Variants in BANK1 observed in about 807,000 individuals in gnomAD.
BANK1 encodes B cell scaffold protein with ankyrin repeats 1, also known as B-cell scaffold protein with ankyrin repeats.
A neutral mutation model predicts 94.5 loss-of-function variants in BANK1; 95 were observed. That is an observed-to-expected ratio of 1.00 (90% confidence interval 0.85 to 1.19). The LOEUF (loss-of-function observed/expected upper bound fraction) is 1.19, where lower values mean the gene tolerates loss of function less well. Ranked by LOEUF, BANK1 falls within the 50% of genes most tolerant of loss-of-function variation. The pLI, the probability that BANK1 is intolerant of heterozygous loss-of-function variation, is 0.00. For missense variants in BANK1, 987 were observed against 932.2 expected (o/e 1.06, Z -0.77); for synonymous variants, 334 against 308.4 (o/e 1.08, Z -0.87).
intron 1 of BANK1, among the ~76,000 whole-genome samples, chr4:101,797,334 G>A (rs2148848791): frequency 6.6e-6 from 1 of 152,250 alleles, no homozygotes. Flanking sequence ...AATCTGAAAA[G>A]TAAACCAAAA....
intron 7 of BANK1, among the ~76,000 whole-genome samples, chr4:101,924,995 A>T (rs1175354015): frequency 1.3e-5 from 2 of 151,654 alleles, no homozygotes; most frequent in African/African-American, 4.8e-5. Context: ...ATTGTTAAAA[A>T]TTTTTCTGAG....
chr4:101,999,320 T>C (rs1725984968), intron 7 of BANK1, among the ~76,000 whole-genome samples: 1 of 152,230 alleles, frequency 6.6e-6, no homozygotes, highest in Non-Finnish European at 1.5e-5. Context: ...TTTGGCTCTT[T>C]TCTTTTTTTC....
chr4:101,970,272 A>G (rs965195814), intron 7 of BANK1, among the ~76,000 whole-genome samples: 6 of 152,172 alleles, frequency 3.9e-5, no homozygotes, highest in African/African-American at 1.4e-4. Flanking sequence ...ATATTGTTAT[A>G]GTTAAGCAAT....
At chr4:101,934,474 A>G (rs1188999618) in intron 7 of BANK1, among the ~76,000 whole-genome samples, 1 of 151,528 alleles carries the variant, frequency 6.6e-6, no homozygotes, top group Non-Finnish European at 1.5e-5. Flanking sequence ...AAAGAAAATT[A>G]TGAGCAGTGA....
At chr4:101,896,468 G>A (rs978048459) in intron 6 of BANK1, among the ~76,000 whole-genome samples, 3 of 152,044 alleles carry the variant, frequency 2.0e-5, no homozygotes, top group Non-Finnish European at 2.9e-5. Context: ...AACTGCTTGT[G>A]ATTCACCTAG....
At chr4:102,054,341 A>G (rs1728155749) in intron 11 of BANK1, among the ~76,000 whole-genome samples, 1 of 152,122 alleles carries the variant, frequency 6.6e-6, no homozygotes, top group Admixed American at 6.5e-5. Context: ...CAGAAGCCTG[A>G]AACACGACAA....
At chr4:102,057,753 A>G (rs563198946) in intron 11 of BANK1, among the ~76,000 whole-genome samples, 1 of 152,292 alleles carries the variant, frequency 6.6e-6, no homozygotes, top group Admixed American at 6.5e-5. Context: ...TACTTACAGC[A>G]TGGTATATCT....
intron 7 of BANK1, among the ~76,000 whole-genome samples, chr4:101,994,116 C>G (rs1469094646): frequency 2.0e-5 from 3 of 152,136 alleles, no homozygotes; most frequent in African/African-American, 7.2e-5. Context: ...GGCTTAATAT[C>G]TTATGATTCA....
chr4:101,838,114 G>T (rs1024666523), intron 2 of BANK1, among the ~76,000 whole-genome samples: 1 of 151,876 alleles, frequency 6.6e-6, no homozygotes, highest in Non-Finnish European at 1.5e-5. Flanking sequence ...TGTGTGCTAC[G>T]CCCGGCTAAT....
chr4:101,797,620 A>T (rs1725202414), intron 1 of BANK1, among the ~76,000 whole-genome samples: 1 of 152,174 alleles, frequency 6.6e-6, no homozygotes, highest in African/African-American at 2.4e-5. Flanking sequence ...AGGGGACAAA[A>T]ATGTGAAGAA....
At position 102,057,220 on chromosome 4, in the gene BANK1, C is replaced by A. The variant is rs142961130; in HGVS notation, c.1970-2991C>A. On this transcript the variant is annotated intron_variant, in intron 11 of 16. Transcript: ENST00000322953. ...GCTTTAAATCTTTGTCACTAGTTCT[C>A]GCTCTCTCTCTCTCTCTCTTGCTCT... is the stretch of plus-strand genomic sequence containing the variant. Among the ~76,000 whole-genome samples, 94 of 151,954 alleles carry A rather than the reference C, an allele frequency of 6.2e-4. 1 individual carries two copies. The South Asian group carries it at 0.012, about 20-fold the overall frequency.
intron 11 of BANK1, among the ~76,000 whole-genome samples, chr4:102,047,750 C>T (rs535689196): frequency 4.2e-4 from 64 of 151,836 alleles, no homozygotes; most frequent in African/African-American, 1.3e-3. Flanking sequence ...AGAGAAATGA[C>T]GAGTATCAAG....
chr4:101,801,576 C>G (rs1472965642), intron 1 of BANK1, among the ~76,000 whole-genome samples: 1 of 152,196 alleles, frequency 6.6e-6, no homozygotes, highest in African/African-American at 2.4e-5. Flanking sequence ...GAACCTCTGT[C>G]TATTCATGCT....
At chr4:101,986,002 T>A (rs1344184214) in intron 7 of BANK1, among the ~76,000 whole-genome samples, 2 of 152,152 alleles carry the variant, frequency 1.3e-5, no homozygotes, top group Admixed American at 6.6e-5. Context: ...TCAGAAAATA[T>A]GTATTTAATG....
intron 7 of BANK1, among the ~76,000 whole-genome samples, chr4:101,983,314 G>A (rs1052422217): frequency 6.6e-6 from 1 of 152,016 alleles, no homozygotes; most frequent in African/African-American, 2.4e-5. Context: ...GAAGTTATTA[G>A]CAATTTAGTG....
At chr4:101,901,367 A>G (rs1034759624) in intron 6 of BANK1, among the ~76,000 whole-genome samples, 1 of 152,236 alleles carries the variant, frequency 6.6e-6, no homozygotes, top group Non-Finnish European at 1.5e-5. Context: ...AAAAAGAGCT[A>G]TCCAGATAAA....
chr4:102,064,769 A>G lies in BANK1; in HGVS notation c.2212+1631A>G, dbSNP rs184478651. 1.5e-3 allele frequency among the ~76,000 whole-genome samples: 228 copies of G among 152,352 alleles called. 2 individuals are homozygous for G. The highest frequency in any genetic ancestry group is 5.1e-3 in the African/African-American group (211 of 41,578). On this transcript the variant is annotated intron_variant, in intron 13 of 16. Coordinates refer to ENST00000322953, the MANE Select transcript of BANK1 (RefSeq NM_017935.5). ...AAGACTATGAATAATTCTAGAGACA[A>G]GCAGTACTCCTGAGGTGGGTCTCAT...
At chr4:102,004,939 T>C (rs1726202448) in intron 7 of BANK1, among the ~76,000 whole-genome samples, 1 of 152,082 alleles carries the variant, frequency 6.6e-6, no homozygotes, top group African/African-American at 2.4e-5. Context: ...ATTCAGCAGA[T>C]CCTTGACACT....
intron 10 of BANK1, among the ~76,000 whole-genome samples, chr4:102,036,206 G>A (rs549114735): frequency 6.6e-6 from 1 of 152,286 alleles, no homozygotes; most frequent in Admixed American, 6.5e-5. Flanking sequence ...CAACAAAGTT[G>A]TATGTGACCT....
Sources: allele counts gnomAD v4.1 joint callset (sites outside exome capture counted in the v4.1 genomes callset), GRCh38; gene constraint gnomAD v4.1.1; transcripts MANE v1.5; gene names NCBI Gene and HGNC (gene_info 2026-07-23, HGNC 2026-07-21).